The following CGN variants were observed in gnomAD, a reference collection of about 807,000 sequenced individuals.
CGN encodes cingulin.
CGN carries 121 observed loss-of-function variants against 157.1 expected under a neutral mutation model. That is an observed-to-expected ratio of 0.77 (90% CI 0.66 to 0.90). The LOEUF is 0.90. Among genes scored for constraint, CGN ranks in the 40% least tolerant of loss-of-function variants. CGN has a pLI of 0.00. For missense variants in CGN, 1,424 were observed against 1,520.9 expected (o/e 0.94, Z 1.06); for synonymous variants, 535 against 607.5 (o/e 0.88, Z 1.76).
At chr1:151,527,858 C>A in intron 10 of CGN, 1 of 259,468 alleles carries the variant, frequency 3.9e-6, no homozygotes, top group Non-Finnish European at 7.5e-6. Flanking sequence ...GTGGCAGCTG[C>A]AGGGATTGTG....
chr1:151,523,201 A>G (rs1664581311), intron 5 of CGN, among the ~76,000 whole-genome samples: 2 of 152,228 alleles, frequency 1.3e-5, no homozygotes, highest in Non-Finnish European at 2.9e-5. Context: ...GGCAAACAGA[A>G]TTAGGCTTTA....
chr1:151,519,456 C>T (rs1323042496), intron 2 of CGN, 64 bp downstream of exon 2: 5 of 1,427,000 alleles, frequency 3.5e-6, no homozygotes, highest in Non-Finnish European at 4.7e-6. Flanking sequence ...TCAGCTTTTA[C>T]CCACCAGCCA....
chr1:151,528,737 T>C (rs1664758098), intron 10 of CGN, among the ~76,000 whole-genome samples: 1 of 152,070 alleles, frequency 6.6e-6, no homozygotes, highest in Non-Finnish European at 1.5e-5. Flanking sequence ...ATTAACAAAG[T>C]TGTACAACCA....
At chr1:151,532,594 G>A in intron 14 of CGN, 22 bp downstream of exon 14, 3 of 1,355,516 alleles carry the variant, frequency 2.2e-6, no homozygotes, top group African/African-American at 1.5e-5. Flanking sequence ...ATATCCTTGG[G>A]TTTGAAGGTC....
chr1:151,526,924 T>A (rs1267965971), intron 9 of CGN, 51 bp from the exon 10 acceptor site: 1 of 1,611,646 alleles, frequency 6.2e-7, no homozygotes, highest in Non-Finnish European at 8.5e-7. Context: ...CCCCCAGGCA[T>A]GTGGCCTTAC....
chr1:151,514,876 T>A (rs1175561352), intron 1 of CGN, among the ~76,000 whole-genome samples: 1 of 152,178 alleles, frequency 6.6e-6, no homozygotes, highest in African/African-American at 2.4e-5. Flanking sequence ...AAAGTGCCTG[T>A]TGGACAAAGT....
Position 151,526,982 on chromosome 1 carries a change from C to G in CGN, c.1771C>G (p.Gln591Glu). 6.2e-7 allele frequency: 1 copy of G among 1,614,138 alleles called. No individual in the cohort carries two copies. Among genetic ancestry groups the G allele is most frequent in the Non-Finnish European group, 8.5e-7 (1 of 1,180,012 alleles). ...DLRATKQELL[Q>E]LRMEKEEMEE... The stretch of plus-strand genomic sequence containing the variant: ...TCACCTTGCCTGGCTCAGACTCCTG[C>G]AGCTGCGAATGGAGAAGGAGGAGAT... Residue 591 changes from glutamine to glutamate, a missense_variant, in exon 10 of 21, where the codon CAG becomes GAG. Coordinates refer to ENST00000271636, the MANE Select transcript of CGN (RefSeq NM_020770.3).
chr1:151,516,691 C>T (rs549673666), intron 1 of CGN, among the ~76,000 whole-genome samples: 16 of 151,694 alleles, frequency 1.1e-4, no homozygotes, highest in South Asian at 2.1e-4. Flanking sequence ...TACAGGCCCC[C>T]GCTACCACGC....
chr1:151,526,336 G>A (rs1001402335), intron 9 of CGN, among the ~76,000 whole-genome samples: 9 of 149,920 alleles, frequency 6.0e-5, no homozygotes, highest in Admixed American at 4.7e-4. Context: ...CTGCCACTAG[G>A]CCTGGGTTTT....
rs1298223938 is a variant in CGN at position 151,513,311 on chromosome 1, T to C, written c.-15+1796T>C. On this transcript the variant is annotated intron_variant, in intron 1 of 20. Transcript: ENST00000271636. Reference sequence around the variant, plus strand: ...CAGTTTGCAGGGGCCCAGTTCCTCATTGTGTTTTTTTCCCTACTGGCCAAG... The same window carrying C: ...CAGTTTGCAGGGGCCCAGTTCCTCACTGTGTTTTTTTCCCTACTGGCCAAG... Among the ~76,000 whole-genome samples the C allele has an allele frequency of 4.6e-5, 7 of 152,232 alleles. No homozygotes were observed. In the East Asian group the frequency reaches 5.8e-4, roughly 13 times the overall value.
intron 1 of CGN, among the ~76,000 whole-genome samples, chr1:151,516,451 A>G (rs753449098): frequency 6.6e-6 from 1 of 151,992 alleles, no homozygotes; most frequent in Non-Finnish European, 1.5e-5. Flanking sequence ...AGCTTTAGCA[A>G]TGTGGACCTG....
intron 1 of CGN, among the ~76,000 whole-genome samples, chr1:151,517,399 G>T (rs747436984): frequency 5.3e-5 from 8 of 152,052 alleles, no homozygotes; most frequent in Non-Finnish European, 1.0e-4. Context: ...TATTTTAAAT[G>T]AGCTCTGGGA....
chr1:151,533,932 C>A lies in CGN; in HGVS notation c.2743-43C>A, dbSNP rs751777928. On this transcript the variant is annotated intron_variant, in intron 14 of 20. Transcript: ENST00000271636. ...ACTGCTCCTGCCCCTCAACCCTCAC[C>A]TTCTCACTACACTGAGCTGTGGCAT... 3 of 1,553,732 alleles carry A rather than the reference C, an allele frequency of 1.9e-6. No homozygotes were observed. In the African/African-American group the frequency reaches 4.2e-5, roughly 22 times the overall value.
intron 10 of CGN, among the ~76,000 whole-genome samples, chr1:151,528,116 C>A (rs564506544): frequency 4.0e-5 from 6 of 150,978 alleles, no homozygotes; most frequent in Non-Finnish European, 8.9e-5. Context: ...CCACCACGCC[C>A]GGCTAATTTT....
Position 151,534,060 on chromosome 1 carries a change from T to G in CGN, c.2828T>G (p.Leu943Arg). The G allele has an allele frequency of 1.2e-6, 2 of 1,613,756 alleles. No homozygotes were observed. Among genetic ancestry groups the G allele is most frequent in the Non-Finnish European group, 1.7e-6 (2 of 1,179,894 alleles). ...RLDKELLAQR[L>R]QGLEQEAENK... ...GACAAAGAGCTACTGGCCCAGCGAC[T>G]GCAGGGGCTGGAGCAAGAGGCAGAG... Residue 943 changes from leucine (L) to arginine (R), a missense_variant, in exon 15 of 21, where the codon CTG (leucine) becomes CGG (arginine). Leu to Arg is a moderately radical substitution (Grantham distance 102). Around this residue, in one of 3 missense-constraint regions of CGN, gnomAD observed 1,187 missense variants for 1,217.6 expected, o/e 0.97. Coordinates refer to ENST00000271636, the MANE Select transcript of CGN (RefSeq NM_020770.3).
intron 14 of CGN, 117 bp from the exon 15 acceptor site, chr1:151,533,858 G>A: frequency 2.3e-6 from 2 of 876,032 alleles, no homozygotes; most frequent in Non-Finnish European, 3.4e-6. Context: ...CATGCCACTG[G>A]TAATTCTAAA....
At position 151,524,544 on chromosome 1, in the gene CGN, G is replaced by T; in HGVS notation, c.1402-130G>T. 8.6e-7 allele frequency: 1 copy of T among 1,169,044 alleles called. No homozygotes were observed. The highest frequency in any genetic ancestry group is 1.4e-5 in the South Asian group (1 of 70,892). The allele number at this position is 1,169,044 out of a possible 1,614,324, so 72.4% of individuals were successfully genotyped here. A position where few individuals can be genotyped will look rare whatever the true frequency, so the allele number is the denominator to read the frequency against. On this transcript the variant is annotated intron_variant, in intron 7 of 20. Coordinates refer to ENST00000271636, the MANE Select transcript of CGN (RefSeq NM_020770.3). The surrounding 1 kb of genome is among the most constrained non-coding windows in gnomAD (Gnocchi z 4.4). ...TAGGATAAAGGAAACCTATCATTCT[G>T]GGCTCCAGTACTGGTACTAGAGCAC...
chr1:151,520,088 C>A, intron 2 of CGN, 78 bp from the exon 3 acceptor site: 1 of 1,096,704 alleles, frequency 9.1e-7, no homozygotes, highest in Non-Finnish European at 1.3e-6. Context: ...TCCATCTGAA[C>A]CCCACGCATG....
At position 151,532,424 on chromosome 1, in the gene CGN, C is replaced by G; in HGVS notation, c.2594C>G (p.Ser865Cys). 6.3e-7 allele frequency: 1 copy of G among 1,583,434 alleles called. No homozygotes were observed. The change falls in exon 14 of 21, where the codon TCT becomes TGT. Residue 865 changes from serine (S) to cysteine (C), a missense_variant. Around this residue, in one of 3 missense-constraint regions of CGN, gnomAD observed 1,187 missense variants for 1,217.6 expected, o/e 0.97. Coordinates refer to ENST00000271636, the MANE Select transcript of CGN (RefSeq NM_020770.3). ...CAGTTGGAGAAGATCGGGGAGGACT[C>G]TAAGCAAGCCCTGCAGCAGCTCCAG... ...NKELEKIGEDSKQALQQLQAQ... is the reference protein window; with the variant it reads ...NKELEKIGEDCKQALQQLQAQ...
Sources: gnomAD v4.1 joint callset for allele counts (sites outside exome capture counted in the v4.1 genomes callset) on GRCh38, gnomAD v4.1.1 for gene constraint, gnomAD v4.1.1 regional missense constraint, Gnocchi (gnomAD v3.1) non-coding constraint, MANE v1.5 for transcripts, NCBI Gene and HGNC (gene_info 2026-07-23, HGNC 2026-07-21) for gene names.